Variants in PTPRD observed in about 807,000 individuals in gnomAD.
PTPRD encodes the protein protein tyrosine phosphatase receptor type D, also known as receptor-type tyrosine-protein phosphatase delta.
In PTPRD, 34 loss-of-function variants were observed where a neutral mutation model predicts 214.5. The observed-to-expected ratio is 0.16, with a 90% CI of 0.12 to 0.21. The LOEUF (loss-of-function observed/expected upper bound fraction) is 0.21. Among genes scored for constraint, PTPRD ranks in the 10% least tolerant of loss-of-function variants. The probability of loss-of-function intolerance (pLI) is 1.00; values close to 1 mark genes in which losing one functional copy is unlikely to be tolerated. For missense variants in PTPRD, 2,545 were observed against 2,398.7 expected, an observed-to-expected ratio of 1.06 and a Z score of -1.27; for synonymous variants, 1,128 against 845.7, an observed-to-expected ratio of 1.33 and a Z score of -5.79.
intron 5 of PTPRD, among the ~76,000 whole-genome samples, chr9:9,841,106 T>G (rs970380077): frequency 1.3e-5 from 2 of 152,152 alleles, no homozygotes; most frequent in African/African-American, 4.8e-5. Flanking sequence ...CTTGTTAAAT[T>G]TGAGCTGAAT....
chr9:10,196,547 G>T (rs566844241), intron 3 of PTPRD, among the ~76,000 whole-genome samples: 1 of 152,074 alleles, frequency 6.6e-6, no homozygotes, highest in East Asian at 1.9e-4. Context: ...AGAAAAGACA[G>T]CAAATGCTAA....
intron 2 of PTPRD, among the ~76,000 whole-genome samples, chr9:10,418,391 A>T (rs556165914): frequency 6.6e-6 from 1 of 150,728 alleles, no homozygotes; most frequent in South Asian, 2.1e-4. Context: ...CCATTGTGAG[A>T]GTTCTCTCTA....
intron 10 of PTPRD, among the ~76,000 whole-genome samples, chr9:9,051,132 C>A (rs2099684528): frequency 6.6e-6 from 1 of 151,890 alleles, no homozygotes; most frequent in Non-Finnish European, 1.5e-5. Flanking sequence ...TGTACATATT[C>A]TATATTTAAC....
chr9:9,163,906 A>C (rs189540366), intron 10 of PTPRD, among the ~76,000 whole-genome samples: 2 of 152,150 alleles, frequency 1.3e-5, no homozygotes, highest in Admixed American at 6.6e-5. Flanking sequence ...CCTCTTTTCT[A>C]TTTGATCCTA....
intron 10 of PTPRD, among the ~76,000 whole-genome samples, chr9:9,112,816 C>A (rs1035086832): frequency 6.6e-6 from 1 of 152,106 alleles, no homozygotes; most frequent in Non-Finnish European, 1.5e-5. Context: ...AGATAAAATT[C>A]ATGGGACCAT....
In PTPRD at chr9:8,384,827, G is replaced by A. The variant is rs142777503; in HGVS notation, c.4386+4405C>T. Among the ~76,000 whole-genome samples, 43 of 152,168 alleles carry A rather than the reference G, an allele frequency of 2.8e-4. No homozygotes were observed. In the East Asian group the frequency reaches 8.1e-3, roughly 29 times the overall value. On this transcript the variant is annotated intron_variant, in intron 37 of 45. Transcript: ENST00000381196. ...AGGCGTGAGCCACCGCACCTGGCCCGTTGTCTTTGTATTTCTTTATATACC... is the reference window on the plus strand; with the variant it reads ...AGGCGTGAGCCACCGCACCTGGCCCATTGTCTTTGTATTTCTTTATATACC...
chr9:10,042,544 C>A (rs764889485), intron 3 of PTPRD, among the ~76,000 whole-genome samples: 1 of 151,872 alleles, frequency 6.6e-6, no homozygotes, highest in Non-Finnish European at 1.5e-5. Context: ...TATTAAGATG[C>A]AGTTACCCTC....
chr9:8,614,179 G>A, intron 14 of PTPRD, among the ~76,000 whole-genome samples: 1 of 152,024 alleles, frequency 6.6e-6, no homozygotes, highest in East Asian at 1.9e-4. Context: ...TGAGCTTTTT[G>A]ACCCTCATTC....
intron 3 of PTPRD, among the ~76,000 whole-genome samples, chr9:10,152,714 A>G (rs1053894480): frequency 4.6e-5 from 7 of 152,144 alleles, no homozygotes; most frequent in African/African-American, 1.4e-4. Flanking sequence ...AATCCCAGCT[A>G]CTCAAGAGGC....
rs559456739 is a variant in PTPRD at position 9,802,206 on chromosome 9, T to C, written c.-367-35355A>G. ...AAACTCAGTTTAAAATTGCTTTTAC[T>C]TTACTCCTGAAATGCAAATGTAATG... is the stretch of plus-strand genomic sequence containing the variant. On this transcript the variant is annotated intron_variant, in intron 5 of 45. Coordinates refer to ENST00000381196, the MANE Select transcript of PTPRD (RefSeq NM_002839.4). 1.3e-4 allele frequency among the ~76,000 whole-genome samples: 20 copies of C among 149,550 alleles called. No individual in the cohort carries two copies. The East Asian group carries it at 2.3e-3, about 17-fold the overall frequency.
At position 8,477,354 on chromosome 9, in the gene PTPRD, AATTAG is replaced by A. The variant is rs200815722; in HGVS notation, c.3414-6274_3414-6270del. Among the ~76,000 whole-genome samples the A allele has an allele frequency of 6.5e-4, 99 of 152,272 alleles. No individual in the cohort carries two copies. In the East Asian group the frequency reaches 0.018, roughly 28 times the overall value. ...TGTGTTTTCCCAGTATATTAGATTT[AATTAG>A]ATAAGTTAAATCTAACCTTCAGAGT... On this transcript the variant is annotated intron_variant, in intron 30 of 45. Coordinates refer to ENST00000381196, the MANE Select transcript of PTPRD (RefSeq NM_002839.4).
chr9:10,299,437 A>G (rs557170564), intron 3 of PTPRD, among the ~76,000 whole-genome samples: 1 of 152,270 alleles, frequency 6.6e-6, no homozygotes, highest in Admixed American at 6.5e-5. Flanking sequence ...ATTATGAAAA[A>G]GATGTTAACA....
At chr9:9,658,412 C>A (rs956398273) in intron 7 of PTPRD, among the ~76,000 whole-genome samples, 11 of 152,126 alleles carry the variant, frequency 7.2e-5, no homozygotes, top group African/African-American at 2.7e-4. Context: ...TCTTCATTTT[C>A]TCTCAAACTT....
At chr9:9,432,570 A>C (rs2083615661) in intron 8 of PTPRD, among the ~76,000 whole-genome samples, 1 of 152,204 alleles carries the variant, frequency 6.6e-6, no homozygotes, top group Non-Finnish European at 1.5e-5. Flanking sequence ...CTCTCTCTGA[A>C]GATCTTTTAT....
chr9:9,046,405 A>G (rs2154387364), intron 10 of PTPRD, among the ~76,000 whole-genome samples: 1 of 152,318 alleles, frequency 6.6e-6, no homozygotes, highest in African/African-American at 2.4e-5. Context: ...TTTCTTTAAA[A>G]ATTGGTAGCT....
intron 36 of PTPRD, among the ~76,000 whole-genome samples, chr9:8,390,271 C>T (rs1326305648): frequency 6.6e-6 from 1 of 152,170 alleles, no homozygotes; most frequent in African/African-American, 2.4e-5. Context: ...CTGAACATCG[C>T]TTACAAAGCT....
chr9:10,013,479 G>C (rs1213607650), intron 4 of PTPRD, among the ~76,000 whole-genome samples: 1 of 150,950 alleles, frequency 6.6e-6, no homozygotes, highest in Admixed American at 6.6e-5. Flanking sequence ...CATACCAAAA[G>C]GGCAGGAAAC....
intron 9 of PTPRD, among the ~76,000 whole-genome samples, chr9:9,372,890 A>G (rs533915891): frequency 6.6e-6 from 1 of 152,212 alleles, no homozygotes; most frequent in African/African-American, 2.4e-5. Flanking sequence ...TTGGCTGGAT[A>G]TCTTTTCAAG....
intron 5 of PTPRD, among the ~76,000 whole-genome samples, chr9:9,773,263 G>C (rs186630135): frequency 1.4e-4 from 21 of 152,158 alleles, no homozygotes; most frequent in Admixed American, 1.4e-3. Context: ...AAAACACTCA[G>C]AATAAAGAAG....
Sources: gnomAD v4.1 joint callset for allele counts (sites outside exome capture counted in the v4.1 genomes callset) on GRCh38, gnomAD v4.1.1 for gene constraint, MANE v1.5 for transcripts, NCBI Gene and HGNC (gene_info 2026-07-23, HGNC 2026-07-21) for gene names.